Variants in WASF3 observed in about 807,000 individuals in gnomAD.
WASF3 encodes the protein actin-binding protein WASF3.
A neutral mutation model predicts 46.6 loss-of-function variants in WASF3; 11 were observed. That is an observed-to-expected ratio of 0.24 (90% CI 0.15 to 0.39). The LOEUF (loss-of-function observed/expected upper bound fraction) is 0.39, where lower values mean the gene tolerates loss of function less well. WASF3 is among the 10% of genes least tolerant of loss of function. WASF3 has a pLI of 1.00. For missense variants in WASF3, 576 were observed against 669.8 expected (o/e 0.86, Z 1.55); for synonymous variants, 242 against 259.7 (o/e 0.93, Z 0.65).
chr13:26,571,446 T>C (rs1298278837), intron 1 of WASF3, among the ~76,000 whole-genome samples: 1 of 152,204 alleles, frequency 6.6e-6, no homozygotes, highest in African/African-American at 2.4e-5. Context: ...AGATCTGATT[T>C]TGTCTTCTTC....
intron 3 of WASF3, among the ~76,000 whole-genome samples, chr13:26,655,463 G>T (rs114024539): frequency 0.02 from 2,973 of 152,198 alleles, 94 homozygotes; most frequent in African/African-American, 0.068. Context: ...ATTACCCCAA[G>T]TTTCTGTAAT....
intron 1 of WASF3, among the ~76,000 whole-genome samples, chr13:26,560,090 A>AT (rs1337537005): frequency 2.6e-5 from 4 of 151,832 alleles, no homozygotes; most frequent in Non-Finnish European, 4.4e-5. Flanking sequence ...AAATGCTGGG[A>AT]TTACAGGCGT....
chr13:26,630,775 A>G (rs1881628387), intron 2 of WASF3, among the ~76,000 whole-genome samples: 1 of 152,230 alleles, frequency 6.6e-6, no homozygotes, highest in Non-Finnish European at 1.5e-5. Flanking sequence ...CACTCCCACC[A>G]ACAGTGTAAA....
intron 2 of WASF3, among the ~76,000 whole-genome samples, chr13:26,627,382 A>G (rs930880643): frequency 6.6e-6 from 1 of 152,218 alleles, no homozygotes; most frequent in Middle Eastern, 3.4e-3. Flanking sequence ...GGTAATATAT[A>G]AAATCAGAGG....
chr13:26,548,636 G>C, the WASF3 span, among the ~76,000 whole-genome samples: 3 of 152,170 alleles, frequency 2.0e-5, no homozygotes, highest in Admixed American at 6.5e-5. Flanking sequence ...GCCTTCAGTG[G>C]CTCCTTGTGG....
chr13:26,554,100 TTTC>T (rs1566032493), upstream of WASF3, among the ~76,000 whole-genome samples: 1 of 98,324 alleles, frequency 1.0e-5, no homozygotes, highest in Non-Finnish European at 2.0e-5. Flanking sequence ...TCCTTCCTTC[TTTC>T]TTTCTTTCTT....
intron 3 of WASF3, among the ~76,000 whole-genome samples, chr13:26,656,975 C>T (rs1477969319): frequency 1.3e-5 from 2 of 152,178 alleles, no homozygotes; most frequent in Admixed American, 1.3e-4. Context: ...ATGACTATGA[C>T]AACTGTGACT....
chr13:26,610,659 A>C (rs1235239144), intron 1 of WASF3, among the ~76,000 whole-genome samples: 1 of 152,190 alleles, frequency 6.6e-6, no homozygotes, highest in East Asian at 1.9e-4. Context: ...AGGAAGTTAC[A>C]GGGCAATTCT....
chr13:26,582,315 G>A (rs1221989009), intron 1 of WASF3, among the ~76,000 whole-genome samples: 1 of 152,028 alleles, frequency 6.6e-6, no homozygotes, highest in Admixed American at 6.6e-5. Flanking sequence ...TCTTGACTCT[G>A]TTGTTTATTA....
chr13:26,648,223 A>G (rs1467402709), intron 3 of WASF3, among the ~76,000 whole-genome samples: 2 of 152,184 alleles, frequency 1.3e-5, no homozygotes, highest in Admixed American at 6.5e-5. Flanking sequence ...TGACTCCATT[A>G]ATTTTAAATA....
chr13:26,629,946 T>G (rs1426334672), intron 2 of WASF3, among the ~76,000 whole-genome samples: 1 of 152,172 alleles, frequency 6.6e-6, no homozygotes, highest in Non-Finnish European at 1.5e-5. Flanking sequence ...TGCTGGAGCT[T>G]GCCACAAACT....
At chr13:26,594,083 C>T (rs1357825727) in intron 1 of WASF3, among the ~76,000 whole-genome samples, 3 of 152,158 alleles carry the variant, frequency 2.0e-5, no homozygotes, top group African/African-American at 7.2e-5. Context: ...CATATAATGA[C>T]AACAAAAGTA....
intron 1 of WASF3, among the ~76,000 whole-genome samples, chr13:26,595,885 A>G (rs1880446008): frequency 6.6e-6 from 1 of 152,204 alleles, no homozygotes; most frequent in African/African-American, 2.4e-5. Flanking sequence ...AGTTGGTTCA[A>G]CAATCCACGC....
intron 1 of WASF3, among the ~76,000 whole-genome samples, chr13:26,579,250 C>T (rs993979107): frequency 1.3e-5 from 2 of 151,320 alleles, no homozygotes; most frequent in African/African-American, 4.9e-5. Context: ...GGTCCTCTTG[C>T]CTTAAGGAGA....
chr13:26,647,885 T>C (rs1882197284), intron 3 of WASF3, among the ~76,000 whole-genome samples: 3 of 152,200 alleles, frequency 2.0e-5, no homozygotes, highest in Admixed American at 1.3e-4. Flanking sequence ...TGTAATACTT[T>C]GAACATATTT....
In WASF3 at chr13:26,646,584, G is replaced by A. The variant is rs138635747; in HGVS notation, c.133+4181G>A. On this transcript the variant is annotated intron_variant, in intron 3 of 9. Transcript: ENST00000335327. ...TCCCCACAGCAGAAAATCATTTTCAGGTACAGATTGGGATAGATGATGTTT... is the reference window on the plus strand; with the variant it reads ...TCCCCACAGCAGAAAATCATTTTCAAGTACAGATTGGGATAGATGATGTTT... Among the ~76,000 whole-genome samples, 103 of 152,172 alleles carry A rather than the reference G, an allele frequency of 6.8e-4. No homozygotes were observed. The Middle Eastern group carries it at 0.01, about 15-fold the overall frequency.
the WASF3 span, among the ~76,000 whole-genome samples, chr13:26,550,287 C>A: frequency 1.3e-5 from 2 of 152,082 alleles, no homozygotes; most frequent in African/African-American, 2.4e-5. Flanking sequence ...CAAATAAGTG[C>A]AGTGCATTTT....
intron 3 of WASF3, among the ~76,000 whole-genome samples, chr13:26,647,677 T>C (rs1488200523): frequency 1.3e-5 from 2 of 152,028 alleles, no homozygotes; most frequent in Non-Finnish European, 2.9e-5. Flanking sequence ...TTTGTTCTTG[T>C]GATAATAGCT....
intron 1 of WASF3, among the ~76,000 whole-genome samples, chr13:26,589,655 T>C (rs1374741653): frequency 6.6e-6 from 1 of 152,228 alleles, no homozygotes; most frequent in Non-Finnish European, 1.5e-5. Context: ...AGCTTTTCTT[T>C]AGTTATTTCT....
Sources: gnomAD v4.1 joint callset for allele counts (sites outside exome capture counted in the v4.1 genomes callset) on GRCh38, gnomAD v4.1.1 for gene constraint, MANE v1.5 for transcripts, NCBI Gene and HGNC (gene_info 2026-07-23, HGNC 2026-07-21) for gene names.